DLL1: variants seen among roughly 807,000 people sequenced by gnomAD.
DLL1 encodes the protein delta-like protein 1.
In DLL1, 9 loss-of-function variants were observed where a neutral mutation model predicts 75.1. That is an observed-to-expected ratio of 0.12 (90% CI 0.07 to 0.21). The LOEUF (loss-of-function observed/expected upper bound fraction) is 0.21. DLL1 is among the 10% of genes least tolerant of loss of function. DLL1 has a pLI of 1.00. For missense variants in DLL1, 837 were observed against 1,007.6 expected, an observed-to-expected ratio of 0.83 and a Z score of 2.29; for synonymous variants, 477 against 418.3, an observed-to-expected ratio of 1.14 and a Z score of -1.71.
At chr6:170,288,623 G>A (rs1783761608) in intron 3 of DLL1, 106 bp downstream of exon 3, 4 of 1,606,996 alleles carry the variant, frequency 2.5e-6, no homozygotes, top group Non-Finnish European at 3.4e-6. Flanking sequence ...ACTTTCTGGG[G>A]CACGTGCAGA....
chr6:170,287,818 G>A (rs1044146261), intron 4 of DLL1, among the ~76,000 whole-genome samples: 3 of 152,182 alleles, frequency 2.0e-5, no homozygotes, highest in Non-Finnish European at 4.4e-5. Flanking sequence ...AAAATGGAAC[G>A]TTTCCCAGTG....
At chr6:170,288,593 C>T in intron 3 of DLL1, 97 bp from the exon 4 acceptor site, 1 of 1,611,812 alleles carries the variant, frequency 6.2e-7, no homozygotes, top group Non-Finnish European at 8.5e-7. Context: ...GGGAAGGAGG[C>T]CCAAGCTGCT....
Position 170,289,494 on chromosome 6 carries a change from C to G in DLL1, c.351+18G>C. The stretch of plus-strand genomic sequence containing the variant: ...CCAGCTTCAGGGCCGGCCCGGCGCG[C>G]GCAGGTGCGGCACTCACCGGCCAGG... On this transcript the variant is annotated intron_variant, in intron 2 of 10. Transcript: ENST00000366756. 6.5e-7 allele frequency: 1 copy of G among 1,528,890 alleles called. No homozygotes were observed. Among genetic ancestry groups the G allele is most frequent in the Non-Finnish European group, 8.7e-7 (1 of 1,143,722 alleles). The allele number at this position is 1,528,890 out of a possible 1,614,324, so 94.7% of individuals were successfully genotyped here.
chr6:170,289,539 G>A lies in DLL1; in HGVS notation c.324C>T (p.Ile108=), dbSNP rs1311928767. 3 of 1,535,008 alleles carry A rather than the reference G, an allele frequency of 2.0e-6. No homozygotes were observed. Among genetic ancestry groups the A allele is most frequent in the East Asian group, 2.4e-5 (1 of 40,878 alleles). Residue 108 remains isoleucine (I), a synonymous_variant, in exon 2 of 11, where the codon ATC becomes ATT. Transcript: ENST00000366756. The part of the protein sequence containing the change: ...GGADSAFSNP[I]RFPFGFTWPG... Reference sequence around the variant, plus strand: ...GCCAGGTGAAGCCGAAGGGGAAGCGGATGGGGTTGCTGAACGCGGAGTCGG... The same window carrying A: ...GCCAGGTGAAGCCGAAGGGGAAGCGAATGGGGTTGCTGAACGCGGAGTCGG...
In DLL1 at chr6:170,290,206, C is replaced by T; in HGVS notation, c.-67G>A. 1.9e-6 allele frequency: 3 copies of T among 1,561,608 alleles called. No individual in the cohort carries two copies. Among genetic ancestry groups the T allele is most frequent in the South Asian group, 1.1e-5 (1 of 87,728 alleles). ...TCTCCTTAGAACAGCGGCGGACGCG[C>T]GGGGGATCGATGGGCCACGGGGAGC... On this transcript the variant is annotated 5_prime_UTR_variant, in exon 1 of 11. Coordinates refer to ENST00000366756, the MANE Select transcript of DLL1 (RefSeq NM_005618.4). The surrounding 1 kb of genome is among the most constrained non-coding windows in gnomAD (Gnocchi z 4.7).
chr6:170,289,400 C>T, intron 2 of DLL1, 112 bp downstream of exon 2: 1 of 1,463,482 alleles, frequency 6.8e-7, no homozygotes, highest in Non-Finnish European at 9.1e-7. Context: ...CCCACCTGCG[C>T]CTCGCGGGGT....
At position 170,283,478 on chromosome 6, in the gene DLL1, C is replaced by A; in HGVS notation, c.1801G>T (p.Asp601Tyr). Reference protein sequence around the residue: ...NNLANCQREKDISVSIIGATQ... With the variant: ...NNLANCQREKYISVSIIGATQ... ...GCCCCGATGATGCTGACTGAGATGT[C>A]CTTCTCACGCTGGCAGTTGGCCAGG... is the stretch of plus-strand genomic sequence containing the variant. The change falls in exon 9 of 11, where the codon GAC becomes TAC. Residue 601 changes from aspartate (D) to tyrosine (Y), a missense_variant. By Grantham distance (160) the Asp-to-Tyr change is radical (BLOSUM62 -3). Coordinates refer to ENST00000366756, the MANE Select transcript of DLL1 (RefSeq NM_005618.4). The A allele has an allele frequency of 1.2e-6, 2 of 1,612,432 alleles. No homozygotes were observed. The highest frequency in any genetic ancestry group is 1.7e-6 in the Non-Finnish European group (2 of 1,179,704).
chr6:170,285,225 G>A (rs1464841214), intron 7 of DLL1, 29 bp downstream of exon 7: 2 of 1,613,986 alleles, frequency 1.2e-6, no homozygotes, highest in Admixed American at 1.7e-5. Flanking sequence ...CCAGCTTCCG[G>A]GTGAGATGCC....
Position 170,285,749 on chromosome 6 carries a change from G to C in DLL1, c.732-50C>G, listed in dbSNP as rs377755350. 15 of 1,612,320 alleles carry C rather than the reference G, an allele frequency of 9.3e-6. No homozygotes were observed. The African/African-American group carries it at 2.0e-4, about 22-fold the overall frequency. On this transcript the variant is annotated intron_variant, in intron 5 of 10. Transcript: ENST00000366756. ...ATGGACGTTGACTGTTGCTGGCTTT[G>C]CAGTGGACATTCTCACCCTAGAAAC... is the stretch of plus-strand genomic sequence containing the variant.
chr6:170,286,386 G>C, intron 4 of DLL1, 88 bp from the exon 5 acceptor site: 1 of 1,524,706 alleles, frequency 6.6e-7, no homozygotes, highest in East Asian at 2.3e-5. Flanking sequence ...ACAACTCGCC[G>C]GCTTCAGTCA....
At chr6:170,285,737 G>C in intron 5 of DLL1, 38 bp from the exon 6 acceptor site, 1 of 1,613,838 alleles carries the variant, frequency 6.2e-7, no homozygotes, top group South Asian at 1.1e-5. Flanking sequence ...GACGTTGACT[G>C]TTGCTGGCTT....
intron 4 of DLL1, 86 bp downstream of exon 4, chr6:170,288,153 G>A (rs1186219677): frequency 1.3e-6 from 2 of 1,593,962 alleles, no homozygotes; most frequent in Non-Finnish European, 1.7e-6. Context: ...ACAGTCCCAA[G>A]CCCCCCGTGG....
chr6:170,289,743 C>T lies in DLL1; in HGVS notation c.120G>A (p.Gly40=). ...CGCCCCCGCGGCAGCAGTTGCGGTT[C>T]CCCAGCAGCCCCTTCTTGTTGACGA... ...QEFVNKKGLL[G]NRNCCRGGAG... The change falls in exon 2 of 11, where the codon GGG becomes GGA. Residue 40 remains glycine, a synonymous_variant. Transcript: ENST00000366756. 5 of 1,552,130 alleles carry T rather than the reference C, an allele frequency of 3.2e-6. No individual in the cohort carries two copies. Among genetic ancestry groups the T allele is most frequent in the Non-Finnish European group, 4.4e-6 (5 of 1,147,828 alleles).
chr6:170,287,195 G>A (rs1783723023), intron 4 of DLL1, among the ~76,000 whole-genome samples: 1 of 152,194 alleles, frequency 6.6e-6, no homozygotes, highest in South Asian at 2.1e-4. Context: ...AGTTCCGGAG[G>A]GAATTTGGGA....
chr6:170,286,207 C>T, intron 5 of DLL1, 31 bp downstream of exon 5: 1 of 1,614,078 alleles, frequency 6.2e-7, no homozygotes, highest in Non-Finnish European at 8.5e-7. Context: ...GAAAAGGCAA[C>T]AAAACAAAAC....
intron 4 of DLL1, among the ~76,000 whole-genome samples, chr6:170,286,725 C>T (rs1022459763): frequency 7.2e-5 from 11 of 152,126 alleles, no homozygotes; most frequent in African/African-American, 1.2e-4. Flanking sequence ...CTGTCCTCCA[C>T]GGCAGCTGCC....
intron 3 of DLL1, 87 bp from the exon 4 acceptor site, chr6:170,288,583 G>A (rs1384567914): frequency 1.2e-6 from 2 of 1,612,242 alleles, no homozygotes; most frequent in Non-Finnish European, 1.7e-6. Context: ...CATTCAGCAC[G>A]GGAAGGAGGC....
rs1405050542 is a variant in DLL1 at position 170,289,689 on chromosome 6, G to C, written c.174C>G (p.Thr58=). ...GAGPPPCACR[T]FFRVCLKHYQ... ...AGTGCTTGAGGCACACGCGGAAGAA[G>C]GTCCGGCAGGCGCACGGCGGTGGCC... is the stretch of plus-strand genomic sequence containing the variant. The change falls in exon 2 of 11, where the codon ACC becomes ACG. Residue 58 remains threonine (T), a synonymous_variant. Transcript: ENST00000366756. 16 of 1,546,840 alleles carry C rather than the reference G, an allele frequency of 1.0e-5. No homozygotes were observed. The African/African-American group carries it at 1.9e-4, about 19-fold the overall frequency.
At chr6:170,289,368 C>T in intron 2 of DLL1, 144 bp downstream of exon 2, 1 of 1,321,410 alleles carries the variant, frequency 7.6e-7, no homozygotes. Flanking sequence ...GTCCTGGGGC[C>T]GCCGCTAGGC....
Sources: gnomAD v4.1 joint callset for allele counts (sites outside exome capture counted in the v4.1 genomes callset) on GRCh38, gnomAD v4.1.1 for gene constraint, Gnocchi (gnomAD v3.1) non-coding constraint, MANE v1.5 for transcripts, NCBI Gene and HGNC (gene_info 2026-07-23, HGNC 2026-07-21) for gene names.